Variants in GSAP observed in about 807,000 individuals in gnomAD.
The protein encoded by GSAP is gamma-secretase activating protein, also known as gamma-secretase-activating protein.
In GSAP, 118 loss-of-function variants were observed where a neutral mutation model predicts 131.7. That is an observed-to-expected ratio of 0.90 (90% CI 0.77 to 1.04). The LOEUF is 1.04. Ranked by LOEUF, GSAP falls within the 50% of genes least tolerant of loss-of-function variation. The pLI is 0.00. For missense variants in GSAP, 1,019 were observed against 1,013.2 expected (o/e 1.01, Z -0.08); for synonymous variants, 381 against 363.4 (o/e 1.05, Z -0.55).
chr7:77,311,196 A>G lies in GSAP; in HGVS notation c.*162T>C. On this transcript the variant is annotated 3_prime_UTR_variant, in exon 31 of 31. Transcript: ENST00000257626. ...ATTCAAAATTGGAATGTGATACAGC[A>G]GTTCTGTCTGAACGTGTACCAACCT... The G allele has an allele frequency of 1.7e-6, 1 of 586,072 alleles. No homozygotes were observed. Among genetic ancestry groups the G allele is most frequent in the East Asian group, 2.8e-5 (1 of 35,634 alleles). 36.3% of individuals were successfully genotyped at this position (586,072 alleles called of 1,614,324 possible).
At chr7:77,402,695 A>C (rs911872426) in intron 3 of GSAP, among the ~76,000 whole-genome samples, 5 of 151,406 alleles carry the variant, frequency 3.3e-5, no homozygotes, top group African/African-American at 1.2e-4. Context: ...AAAAAAAAAA[A>C]AAAACATATG....
intron 1 of GSAP, among the ~76,000 whole-genome samples, chr7:77,407,978 C>T (rs1196412409): frequency 6.6e-6 from 1 of 152,174 alleles, no homozygotes; most frequent in African/African-American, 2.4e-5. Flanking sequence ...ACCTTCCCCA[C>T]CACCAAAAGA....
intron 8 of GSAP, among the ~76,000 whole-genome samples, chr7:77,377,790 T>C (rs1563069808): frequency 6.6e-6 from 1 of 152,224 alleles, no homozygotes; most frequent in Non-Finnish European, 1.5e-5. Context: ...GAGGCTGTGA[T>C]GCCAAGGAAA....
chr7:77,336,974 C>T (rs993405711), intron 19 of GSAP, among the ~76,000 whole-genome samples: 1 of 152,116 alleles, frequency 6.6e-6, no homozygotes, highest in African/African-American at 2.4e-5. Flanking sequence ...GCTATTGATG[C>T]TACATCTTTG....
intron 1 of GSAP, among the ~76,000 whole-genome samples, chr7:77,410,062 G>A (rs1409079030): frequency 6.6e-6 from 1 of 152,162 alleles, no homozygotes. Flanking sequence ...TGTACAGCCA[G>A]GGTTAAGAAC....
intron 1 of GSAP, among the ~76,000 whole-genome samples, chr7:77,415,002 A>C (rs961932852): frequency 9.2e-5 from 14 of 151,704 alleles, no homozygotes; most frequent in Admixed American, 7.9e-4. Flanking sequence ...GGATTACAGG[A>C]GCGTGTCACC....
In GSAP at chr7:77,326,220, T is replaced by A. The variant is rs1254751472; in HGVS notation, c.1819A>T (p.Met607Leu). The A allele has an allele frequency of 6.2e-7, 1 of 1,611,994 alleles. No homozygotes were observed. The highest frequency in any genetic ancestry group is 8.5e-7 in the Non-Finnish European group (1 of 1,178,416). ...QEEDSHQRLL[M>L]GLMVSELKDH... ...ACCCACGTACCACTTACCAGCCCCA[T>A]GAGCAGCCGCTGGTGGCTGTCTTCC... Residue 607 changes from methionine (M) to leucine (L), a missense_variant, in exon 23 of 31, where the codon ATG becomes TTG. By Grantham distance (15) the Met-to-Leu change is conservative. Transcript: ENST00000257626.
At chr7:77,328,784 A>G in intron 21 of GSAP, 147 bp from the exon 22 acceptor site, 1 of 613,336 alleles carries the variant, frequency 1.6e-6, no homozygotes. Flanking sequence ...AAAAACTTTG[A>G]TCAATGTAGT....
intron 5 of GSAP, among the ~76,000 whole-genome samples, chr7:77,391,781 G>A (rs1799589548): frequency 6.6e-6 from 1 of 152,186 alleles, no homozygotes; most frequent in South Asian, 2.1e-4. Flanking sequence ...GCTATAGTGA[G>A]CCATAAGAAT....
intron 20 of GSAP, 186 bp downstream of exon 20, chr7:77,330,053 C>T: frequency 1.8e-6 from 1 of 544,266 alleles, no homozygotes; most frequent in South Asian, 3.9e-5. Flanking sequence ...TTTTCAGTTT[C>T]CTCCCTAGGA....
chr7:77,346,607 G>A (rs1334784744), intron 19 of GSAP, among the ~76,000 whole-genome samples: 2 of 151,752 alleles, frequency 1.3e-5, no homozygotes, highest in Non-Finnish European at 2.9e-5. Context: ...CTACTCAGGA[G>A]GCTGAAGCAA....
At chr7:77,325,200 T>G (rs920657292) in intron 23 of GSAP, among the ~76,000 whole-genome samples, 11 of 152,160 alleles carry the variant, frequency 7.2e-5, no homozygotes, top group Admixed American at 5.2e-4. Context: ...TATGTGAGAT[T>G]TTTCTTTTAC....
chr7:77,377,524 G>A lies in GSAP; in HGVS notation c.577-134C>T, dbSNP rs1235387661. On this transcript the variant is annotated intron_variant, in intron 8 of 30. Coordinates refer to ENST00000257626, the MANE Select transcript of GSAP (RefSeq NM_017439.4). ...ATATTTCCACAGTTCACTGTTAGAA[G>A]CTCCCCACCCCTAGTATACACAGTC... 5.5e-6 allele frequency: 6 copies of A among 1,083,880 alleles called. No individual in the cohort carries two copies. The African/African-American group carries it at 8.0e-5, about 14-fold the overall frequency. The allele number at this position is 1,083,880 out of a possible 1,614,324, so 67.1% of individuals were successfully genotyped here. A position where few individuals can be genotyped will look rare whatever the true frequency, so the allele number is the denominator to read the frequency against.
chr7:77,377,421 A>G, intron 8 of GSAP, 31 bp from the exon 9 acceptor site: 1 of 1,082,504 alleles, frequency 9.2e-7, no homozygotes, highest in Non-Finnish European at 1.3e-6. Flanking sequence ...AAAAAAAAAA[A>G]AGTATGAATA....
At chr7:77,344,095 T>A (rs1159938726) in intron 19 of GSAP, among the ~76,000 whole-genome samples, 1 of 152,188 alleles carries the variant, frequency 6.6e-6, no homozygotes, top group African/African-American at 2.4e-5. Context: ...TAGAGGACTT[T>A]CCCACAGGGT....
chr7:77,330,573 CTTTTTTTT>C (rs750457611), intron 19 of GSAP: 4 of 761,736 alleles, frequency 5.3e-6, no homozygotes, highest in East Asian at 8.8e-5. Context: ...TTTTCTGTCT[CTTTTTTTT>C]TTTTTTTTTT....
rs1278009356 is a variant in GSAP at position 77,376,870 on chromosome 7, G to C, written c.719C>G (p.Ala240Gly). The change falls in exon 10 of 31, where the codon GCT becomes GGT. Residue 240 changes from alanine to glycine, a missense_variant. Ala to Gly is a moderately conservative substitution (Grantham distance 60). Coordinates refer to ENST00000257626, the MANE Select transcript of GSAP (RefSeq NM_017439.4). ...RSILKCIQFY[A>G]DESYNLMFEV... Reference sequence around the variant, plus strand: ...TACCATTAAGTTATAGCTCTCATCAGCATAAAACTGGATACATTTTAAGAT... The same window carrying C: ...TACCATTAAGTTATAGCTCTCATCACCATAAAACTGGATACATTTTAAGAT... 1.3e-6 allele frequency: 2 copies of C among 1,492,778 alleles called. No homozygotes were observed. The highest frequency in any genetic ancestry group is 1.8e-6 in the Non-Finnish European group (2 of 1,089,720). The allele number at this position is 1,492,778 out of a possible 1,614,324, so 92.5% of individuals were successfully genotyped here.
In GSAP at chr7:77,402,616, A is replaced by AAAAAAAAAAAT. The variant is rs375595494; in HGVS notation, c.243+1942_243+1943insATTTTTTTTTT. Among the ~76,000 whole-genome samples the AAAAAAAAAAAT allele has an allele frequency of 5.7e-3, 456 of 80,306 alleles. 47 individuals are homozygous for AAAAAAAAAAAT. Among genetic ancestry groups the AAAAAAAAAAAT allele is most frequent in the Non-Finnish European group, 7.3e-3 (267 of 36,720 alleles). The allele number at this position is 80,306 out of a possible 152,430, so 52.7% of individuals were successfully genotyped here. A position where few individuals can be genotyped will look rare whatever the true frequency, so the allele number is the denominator to read the frequency against. ...CTCAAAAAAAAAAAAAAAAAAAAAA[A>AAAAAAAAAAAT]GAATTTTAAAGCCCATCTAGATTTG... On this transcript the variant is annotated intron_variant, in intron 3 of 30. Coordinates refer to ENST00000257626, the MANE Select transcript of GSAP (RefSeq NM_017439.4).
Position 77,381,986 on chromosome 7 carries a change from TA to T in GSAP, c.526+587del, listed in dbSNP as rs1222089010. ...CCCCTCAAGCCTGTCCTTCCAACTA[TA>T]AACTAGCAGTTTCATCTTGTAATGC... is the stretch of plus-strand genomic sequence containing the variant. On this transcript the variant is annotated intron_variant, in intron 7 of 30. Transcript: ENST00000257626. Among the ~76,000 whole-genome samples, 7 of 150,360 alleles carry T rather than the reference TA, an allele frequency of 4.7e-5. 1 individual carries two copies. Among genetic ancestry groups the T allele is most frequent in the Non-Finnish European group, 8.8e-5 (6 of 67,798 alleles).
Sources: allele counts gnomAD v4.1 joint callset (sites outside exome capture counted in the v4.1 genomes callset), GRCh38; gene constraint gnomAD v4.1.1; transcripts MANE v1.5; gene names NCBI Gene and HGNC (gene_info 2026-07-23, HGNC 2026-07-21).